The following KIF3B variants were observed in gnomAD, a reference collection of about 807,000 sequenced individuals.
KIF3B encodes the protein kinesin-like protein KIF3B.
In KIF3B, 38 loss-of-function variants were observed where a neutral mutation model predicts 74.3. That is an observed-to-expected ratio of 0.51 (90% confidence interval 0.39 to 0.67). The LOEUF (loss-of-function observed/expected upper bound fraction) is 0.67. Among genes scored for constraint, KIF3B ranks in the 30% least tolerant of loss-of-function variants. KIF3B has a pLI of 0.00. For synonymous variants in KIF3B, 326 were observed against 342.5 expected (o/e 0.95, Z 0.53); for missense variants, 649 against 932.0 (o/e 0.70, Z 3.95).
Position 32,320,481 on chromosome 20 carries a change from ATG to A in KIF3B, c.1748+3626_1748+3627del, listed in dbSNP as rs145644184. On this transcript the variant is annotated intron_variant, in intron 5 of 8. Coordinates refer to ENST00000375712, the MANE Select transcript of KIF3B (RefSeq NM_004798.4). ...GGCCTTTTGTGACTGCTTTCTTCAT[ATG>A]TGTGTGTGTGTGTGTGTGCATGTGT... Among the ~76,000 whole-genome samples the A allele has an allele frequency of 9.1e-4, 129 of 141,314 alleles. 2 individuals carry two copies. In the East Asian group the frequency reaches 0.012, roughly 13 times the overall value. 92.7% of individuals were successfully genotyped at this position (141,314 alleles called of 152,430 possible).
intron 1 of KIF3B, among the ~76,000 whole-genome samples, chr20:32,299,403 ATTTTTTTTTTT>A (rs11473044): frequency 1.1e-4 from 1 of 9,026 alleles, no homozygotes; most frequent in Admixed American, 1.7e-3. Context: ...ATATATATAT[ATTTTTTTTTTT>A]TTTTTTTTTT....
In KIF3B at chr20:32,331,556, A is replaced by C. The variant is rs570346888; in HGVS notation, c.*237A>C. The C allele has an allele frequency of 2.5e-4, 128 of 517,556 alleles. No individual in the cohort carries two copies. The highest frequency in any genetic ancestry group is 4.1e-4 in the Non-Finnish European group (121 of 297,322). The allele number at this position is 517,556 out of a possible 1,614,324, so 32.1% of individuals were successfully genotyped here. Reference sequence around the variant, plus strand: ...TCTCAGAAATGCATGGGTAAGGTAAAGTGCGATAGTTCAAGTGGAAAGCAA... The same window carrying C: ...TCTCAGAAATGCATGGGTAAGGTAACGTGCGATAGTTCAAGTGGAAAGCAA... On this transcript the variant is annotated 3_prime_UTR_variant, in exon 9 of 9. Transcript: ENST00000375712.
chr20:32,326,952 C>T, intron 6 of KIF3B, 68 bp downstream of exon 6: 2 of 802,672 alleles, frequency 2.5e-6, no homozygotes, highest in Non-Finnish European at 4.1e-6. Context: ...ATAACAAGAG[C>T]CCTCTGGTCA....
chr20:32,328,855 A>T (rs1414237561), intron 7 of KIF3B, among the ~76,000 whole-genome samples: 1 of 152,184 alleles, frequency 6.6e-6, no homozygotes, highest in Non-Finnish European at 1.5e-5. Context: ...ACCCCAAAAT[A>T]GAAAAATAGA....
At chr20:32,292,705 T>G (rs546754718) in intron 1 of KIF3B, among the ~76,000 whole-genome samples, 2 of 151,528 alleles carry the variant, frequency 1.3e-5, no homozygotes, top group Non-Finnish European at 2.9e-5. Context: ...TGCAGTAAGC[T>G]GAGATTCTGC....
chr20:32,305,127 G>A (rs1010018716), intron 1 of KIF3B, among the ~76,000 whole-genome samples: 1 of 152,056 alleles, frequency 6.6e-6, no homozygotes, highest in East Asian at 1.9e-4. Flanking sequence ...CAGCCTGGGG[G>A]ACAGAGGGGA....
chr20:32,318,574 C>T (rs2047840302), intron 5 of KIF3B, among the ~76,000 whole-genome samples: 1 of 152,092 alleles, frequency 6.6e-6, no homozygotes, highest in Non-Finnish European at 1.5e-5. Context: ...CCTTTTTGGC[C>T]TGGTGTCTTT....
chr20:32,299,399 ATATATTT>A (rs2047731818), intron 1 of KIF3B, among the ~76,000 whole-genome samples: 1 of 31,758 alleles, frequency 3.1e-5, no homozygotes, highest in African/African-American at 1.9e-4. Context: ...ATATATATAT[ATATATTT>A]TTTTTTTTTT....
chr20:32,315,555 A>G (rs542474132), intron 2 of KIF3B, among the ~76,000 whole-genome samples: 2 of 152,206 alleles, frequency 1.3e-5, no homozygotes, highest in Admixed American at 6.5e-5. Context: ...CAATCAGTCA[A>G]TCAACCAATC....
chr20:32,314,269 G>T (rs2047815969), intron 2 of KIF3B, among the ~76,000 whole-genome samples: 2 of 152,206 alleles, frequency 1.3e-5, no homozygotes, highest in Non-Finnish European at 2.9e-5. Context: ...GCTGGGCGCG[G>T]TGGCTCACGC....
intron 1 of KIF3B, among the ~76,000 whole-genome samples, chr20:32,282,720 G>A (rs1033364558): frequency 4.6e-5 from 7 of 152,146 alleles, no homozygotes; most frequent in African/African-American, 9.7e-5. Context: ...AAGAGGGAGC[G>A]GAATCACTAG....
intron 5 of KIF3B, among the ~76,000 whole-genome samples, chr20:32,322,772 A>G (rs867322567): frequency 4.2e-5 from 2 of 47,456 alleles, no homozygotes; most frequent in African/African-American, 3.7e-4. Context: ...ATATATTTAT[A>G]TATATATTTA....
At chr20:32,299,403 A>ATATATATATATTT (rs1555895046) in intron 1 of KIF3B, among the ~76,000 whole-genome samples, 1 of 9,026 alleles carries the variant, frequency 1.1e-4, no homozygotes, top group Non-Finnish European at 1.7e-4. Flanking sequence ...ATATATATAT[A>ATATATATATATTT]TTTTTTTTTT....
Position 32,333,113 on chromosome 20 carries a change from G to C in KIF3B, c.*1794G>C, listed in dbSNP as rs1488347693. The C allele has an allele frequency of 2.6e-5, 4 of 152,292 alleles. No individual in the cohort carries two copies. The East Asian group carries it at 7.7e-4, about 29-fold the overall frequency. 9.4% of individuals were successfully genotyped at this position (152,292 alleles called of 1,614,324 possible). On this transcript the variant is annotated 3_prime_UTR_variant, in exon 9 of 9. Coordinates refer to ENST00000375712, the MANE Select transcript of KIF3B (RefSeq NM_004798.4). Reference sequence around the variant, plus strand: ...CTCCTTTTTAGTAACCCTTCTTTCTGAACCCAGGGCCCTTTTCAGCCTTCC... The same window carrying C: ...CTCCTTTTTAGTAACCCTTCTTTCTCAACCCAGGGCCCTTTTCAGCCTTCC...
chr20:32,309,087 G>A (rs934714924), intron 1 of KIF3B, among the ~76,000 whole-genome samples: 18 of 151,968 alleles, frequency 1.2e-4, no homozygotes, highest in South Asian at 2.1e-4. Flanking sequence ...CGTGATTGCG[G>A]CTTACTGTAC....
intron 1 of KIF3B, among the ~76,000 whole-genome samples, chr20:32,303,410 CA>C (rs1161960713): frequency 3.3e-5 from 5 of 151,412 alleles, no homozygotes. Context: ...ACTAAAAATG[CA>C]AAAATTAGCT....
intron 1 of KIF3B, among the ~76,000 whole-genome samples, chr20:32,283,266 G>A (rs564672587): frequency 6.6e-6 from 1 of 152,292 alleles, no homozygotes; most frequent in South Asian, 2.1e-4. Flanking sequence ...AGCACTTTGG[G>A]AGGCTGAGGT....
At position 32,326,688 on chromosome 20, in the gene KIF3B, T is replaced by C. The variant is rs79919168; in HGVS notation, c.1749-83T>C. ...GCTATGTGCCTTGACTCTTACCTGA[T>C]TACTCACCATGCATGAGACCAGATA... On this transcript the variant is annotated intron_variant, in intron 5 of 8. Transcript: ENST00000375712. The C allele has an allele frequency of 1.2e-3, 790 of 686,060 alleles. 15 individuals are homozygous for C. The East Asian group carries it at 0.017, about 15-fold the overall frequency. The allele number at this position is 686,060 out of a possible 1,614,324, so 42.5% of individuals were successfully genotyped here.
At chr20:32,297,464 G>T (rs1286600214) in intron 1 of KIF3B, among the ~76,000 whole-genome samples, 1 of 152,112 alleles carries the variant, frequency 6.6e-6, no homozygotes, top group Non-Finnish European at 1.5e-5. Flanking sequence ...GTTTTTACGT[G>T]TGTCTTTATT....
Sources: allele counts gnomAD v4.1 joint callset (sites outside exome capture counted in the v4.1 genomes callset), GRCh38; gene constraint gnomAD v4.1.1; transcripts MANE v1.5; gene names NCBI Gene and HGNC (gene_info 2026-07-23, HGNC 2026-07-21).